PIK3C2G: variants seen among roughly 807,000 people sequenced by gnomAD.
PIK3C2G encodes the protein phosphatidylinositol 3-kinase C2 domain-containing subunit gamma.
In PIK3C2G, 168 loss-of-function variants were observed where a neutral mutation model predicts 181.1. That is an observed-to-expected ratio of 0.93 (90% CI 0.82 to 1.05). PIK3C2G has a LOEUF of 1.05. Among genes scored for constraint, PIK3C2G ranks in the 50% least tolerant of loss-of-function variants. The pLI is 0.00. For missense variants in PIK3C2G, 1,869 were observed against 1,732.8 expected, an observed-to-expected ratio of 1.08 and a Z score of -1.40; for synonymous variants, 573 against 592.2, an observed-to-expected ratio of 0.97 and a Z score of 0.47.
intron 24 of PIK3C2G, among the ~76,000 whole-genome samples, chr12:18,519,961 TC>T (rs1942799443): frequency 1.7e-5 from 2 of 117,028 alleles, no homozygotes; most frequent in African/African-American, 6.9e-5. Flanking sequence ...CCCTGCCACA[TC>T]CCCCTCTCCA....
chr12:18,703,271 T>C, the PIK3C2G span, among the ~76,000 whole-genome samples: 2 of 152,178 alleles, frequency 1.3e-5, no homozygotes, highest in Non-Finnish European at 2.9e-5. Context: ...ACACAGTTCA[T>C]TTTTTTCTGT....
intron 16 of PIK3C2G, among the ~76,000 whole-genome samples, chr12:18,413,933 A>G (rs1439164466): frequency 6.6e-6 from 1 of 152,200 alleles, no homozygotes; most frequent in East Asian, 1.9e-4. Flanking sequence ...AGTTACTGAG[A>G]ATGAAATGCC....
At chr12:18,402,744 C>T (rs185510044) in intron 16 of PIK3C2G, among the ~76,000 whole-genome samples, 1 of 152,244 alleles carries the variant, frequency 6.6e-6, no homozygotes, top group African/African-American at 2.4e-5. Flanking sequence ...TCAATATCCT[C>T]TGATCCCTGA....
At chr12:18,587,495 C>G (rs1361990149) in intron 29 of PIK3C2G, among the ~76,000 whole-genome samples, 1 of 151,968 alleles carries the variant, frequency 6.6e-6, no homozygotes, top group Non-Finnish European at 1.5e-5. Flanking sequence ...ACACAACTAA[C>G]CAGAGAGGTG....
At chr12:18,689,968 G>A in the PIK3C2G span, among the ~76,000 whole-genome samples, 1 of 152,062 alleles carries the variant, frequency 6.6e-6, no homozygotes, top group Non-Finnish European at 1.5e-5. Context: ...GCTTCCTGGA[G>A]AATCATTAAC....
At chr12:18,353,969 T>C (rs1940472429) in intron 11 of PIK3C2G, among the ~76,000 whole-genome samples, 1 of 152,160 alleles carries the variant, frequency 6.6e-6, no homozygotes, top group South Asian at 2.1e-4. Context: ...TGAGATCCAT[T>C]CCAGGGTCAT....
chr12:18,464,478 C>A (rs1170358111), intron 18 of PIK3C2G, among the ~76,000 whole-genome samples: 4 of 152,064 alleles, frequency 2.6e-5, no homozygotes, highest in African/African-American at 9.7e-5. Context: ...ATACAACAAA[C>A]TGCCATGAAT....
intron 31 of PIK3C2G, among the ~76,000 whole-genome samples, chr12:18,621,907 T>A (rs539911817): frequency 7.2e-5 from 11 of 151,894 alleles, no homozygotes; most frequent in African/African-American, 2.6e-4. Flanking sequence ...AAGATTATTC[T>A]ACCATTTATT....
chr12:18,296,234 C>T (rs970866109), intron 5 of PIK3C2G, among the ~76,000 whole-genome samples: 1 of 151,966 alleles, frequency 6.6e-6, no homozygotes, highest in Non-Finnish European at 1.5e-5. Context: ...TGACTATGAA[C>T]CCATATAATG....
intron 29 of PIK3C2G, among the ~76,000 whole-genome samples, chr12:18,590,407 T>A (rs1307636015): frequency 1.3e-5 from 2 of 151,894 alleles, no homozygotes; most frequent in Admixed American, 6.6e-5. Context: ...TCCAAAATAT[T>A]GTATGGGTAC....
rs916577301 is a variant in PIK3C2G at position 18,333,562 on chromosome 12, T to C, written c.1273-4864T>C. On this transcript the variant is annotated intron_variant, in intron 8 of 32. Transcript: ENST00000538779. ...TTAGGTTTTCTGTTCCTGTGTTAGT[T>C]TGCTAACTAAGAATGATGGTTTCCA... Among the ~76,000 whole-genome samples, 7 of 152,268 alleles carry C rather than the reference T, an allele frequency of 4.6e-5. No homozygotes were observed. In the East Asian group the frequency reaches 1.4e-3, roughly 29 times the overall value.
At chr12:18,488,232 G>T (rs1171683214) in intron 18 of PIK3C2G, among the ~76,000 whole-genome samples, 1 of 152,088 alleles carries the variant, frequency 6.6e-6, no homozygotes, top group Admixed American at 6.6e-5. Flanking sequence ...AAGAAAGGCA[G>T]ATCTCTTATT....
the PIK3C2G span, among the ~76,000 whole-genome samples, chr12:18,678,203 C>A: frequency 6.6e-6 from 1 of 152,024 alleles, no homozygotes; most frequent in Non-Finnish European, 1.5e-5. Flanking sequence ...AATTAGAGGT[C>A]TGGCTAATAC....
the PIK3C2G span, among the ~76,000 whole-genome samples, chr12:18,665,418 T>C: frequency 1.3e-5 from 2 of 152,108 alleles, no homozygotes; most frequent in Non-Finnish European, 2.9e-5. Flanking sequence ...GAAAAAAAAA[T>C]TGAGAAACAG....
intron 31 of PIK3C2G, among the ~76,000 whole-genome samples, chr12:18,637,811 C>T (rs908470768): frequency 2.0e-5 from 3 of 152,118 alleles, no homozygotes; most frequent in South Asian, 4.1e-4. Context: ...CGAATCCACT[C>T]TCCATATGCT....
chr12:18,398,611 G>A (rs1021492961), intron 15 of PIK3C2G, among the ~76,000 whole-genome samples: 1 of 152,114 alleles, frequency 6.6e-6, no homozygotes, highest in South Asian at 2.1e-4. Flanking sequence ...TTGAACTGTG[G>A]TTCTGAATAC....
At chr12:18,713,107 C>G in the PIK3C2G span, 1 of 1,336,228 alleles carries the variant, frequency 7.5e-7, no homozygotes, top group Middle Eastern at 2.1e-4. Flanking sequence ...GTCCATAAAA[C>G]TCTATAAAAA....
chr12:18,361,009 C>T (rs1206940911), intron 11 of PIK3C2G, among the ~76,000 whole-genome samples: 1 of 151,984 alleles, frequency 6.6e-6, no homozygotes, highest in Non-Finnish European at 1.5e-5. Flanking sequence ...CATAACGATA[C>T]ATTGATATAT....
intron 30 of PIK3C2G, among the ~76,000 whole-genome samples, chr12:18,596,896 G>C (rs1013587075): frequency 4.6e-5 from 7 of 152,068 alleles, no homozygotes; most frequent in African/African-American, 1.7e-4. Flanking sequence ...AGCAGTGTAA[G>C]AATAGAACTA....
Sources: allele counts gnomAD v4.1 joint callset (sites outside exome capture counted in the v4.1 genomes callset), GRCh38; gene constraint gnomAD v4.1.1; transcripts MANE v1.5; gene names NCBI Gene and HGNC (gene_info 2026-07-23, HGNC 2026-07-21).